The following CCDC178 variants were observed in gnomAD, a reference collection of about 807,000 sequenced individuals.
CCDC178 encodes coiled-coil domain-containing protein 178.
CCDC178 carries 126 observed loss-of-function variants against 117.4 expected under a neutral mutation model. The observed-to-expected ratio is 1.07, with a 90% CI of 0.93 to 1.24. CCDC178 has a LOEUF of 1.24. Ranked by LOEUF, CCDC178 falls within the 50% of genes most tolerant of loss-of-function variation. CCDC178 has a pLI of 0.00. For synonymous variants in CCDC178, 283 were observed against 313.4 expected, an observed-to-expected ratio of 0.90 and a Z score of 1.02; for missense variants, 1,030 against 986.9, an observed-to-expected ratio of 1.04 and a Z score of -0.59.
At chr18:33,306,335 C>A (rs2062247220) in intron 11 of CCDC178, among the ~76,000 whole-genome samples, 1 of 150,338 alleles carries the variant, frequency 6.7e-6, no homozygotes, top group Non-Finnish European at 1.5e-5. Context: ...TAATTTGGAC[C>A]CAGCTATCTT....
At chr18:33,239,943 A>G (rs535306356) in intron 15 of CCDC178, among the ~76,000 whole-genome samples, 8 of 152,140 alleles carry the variant, frequency 5.3e-5, no homozygotes, top group African/African-American at 1.9e-4. Context: ...CATTCTTTTC[A>G]TCAGCACATG....
At chr18:33,322,450 T>C (rs1422445957) in intron 11 of CCDC178, among the ~76,000 whole-genome samples, 1 of 151,762 alleles carries the variant, frequency 6.6e-6, no homozygotes, top group Non-Finnish European at 1.5e-5. Context: ...TATTCTCAAT[T>C]ACACAAGGAG....
At chr18:33,260,565 T>G (rs9951737) in intron 14 of CCDC178, among the ~76,000 whole-genome samples, 10,208 of 151,938 alleles carry the variant, frequency 0.067, 507 homozygotes, top group African/African-American at 0.14. Context: ...TTTATCAGTC[T>G]GTGGTTTACC....
At chr18:33,167,271 T>C (rs271461) in intron 20 of CCDC178, among the ~76,000 whole-genome samples, 1 of 152,080 alleles carries the variant, frequency 6.6e-6, no homozygotes, top group Non-Finnish European at 1.5e-5. Context: ...GGTAGAGTGA[T>C]TTATGTATAC....
At chr18:33,136,137 T>G (rs1177670653) in intron 20 of CCDC178, 1 of 152,238 alleles carries the variant, frequency 6.6e-6, no homozygotes, top group African/African-American at 2.4e-5. Context: ...GAAATGACTG[T>G]GTAGAGCTTA....
intron 6 of CCDC178, among the ~76,000 whole-genome samples, chr18:33,362,512 T>C (rs543439385): frequency 1.3e-5 from 2 of 151,878 alleles, no homozygotes; most frequent in African/African-American, 4.8e-5. Context: ...GTTAATAAAA[T>C]TGTATTATAT....
intron 20 of CCDC178, among the ~76,000 whole-genome samples, chr18:33,155,125 T>G (rs1223545485): frequency 6.6e-6 from 1 of 152,076 alleles, no homozygotes; most frequent in Non-Finnish European, 1.5e-5. Flanking sequence ...TAATATAAGC[T>G]CCAGTAAATT....
intron 20 of CCDC178, among the ~76,000 whole-genome samples, chr18:33,098,175 C>G (rs1354166497): frequency 6.6e-6 from 1 of 151,956 alleles, no homozygotes; most frequent in Non-Finnish European, 1.5e-5. Flanking sequence ...TTCAAACATT[C>G]TAGAAAGGTG....
chr18:32,968,012 A>T (rs1008699042), intron 22 of CCDC178, among the ~76,000 whole-genome samples: 6 of 151,554 alleles, frequency 4.0e-5, no homozygotes, highest in African/African-American at 1.5e-4. Flanking sequence ...AGCACTCAAA[A>T]ACCCCTCTTT....
intron 12 of CCDC178, among the ~76,000 whole-genome samples, chr18:33,286,845 C>T (rs891550196): frequency 4.6e-5 from 7 of 152,038 alleles, no homozygotes; most frequent in Admixed American, 4.6e-4. Context: ...GATATAAATG[C>T]CTTTTTTATA....
intron 15 of CCDC178, among the ~76,000 whole-genome samples, chr18:33,235,463 T>A (rs1355967609): frequency 6.6e-6 from 1 of 152,174 alleles, no homozygotes; most frequent in African/African-American, 2.4e-5. Flanking sequence ...CCAAAATGAA[T>A]GTGTTAATAA....
intron 19 of CCDC178, 103 bp from the exon 20 acceptor site, chr18:33,212,158 A>G (rs1599006609): frequency 1.2e-6 from 1 of 825,252 alleles, no homozygotes; most frequent in East Asian, 3.0e-5. Flanking sequence ...AATCTTGAAG[A>G]CCCTTGAACT....
intron 21 of CCDC178, among the ~76,000 whole-genome samples, chr18:33,084,079 CT>C (rs952005887): frequency 6.6e-5 from 10 of 151,540 alleles, no homozygotes; most frequent in African/African-American, 1.9e-4. Flanking sequence ...CATATTGGGA[CT>C]TTTTTTTTCT....
chr18:33,085,125 A>G (rs901202340), intron 21 of CCDC178, among the ~76,000 whole-genome samples: 2 of 152,220 alleles, frequency 1.3e-5, no homozygotes, highest in Non-Finnish European at 2.9e-5. Context: ...GTAGAGGATC[A>G]TGTTATAATC....
intron 11 of CCDC178, among the ~76,000 whole-genome samples, chr18:33,315,047 G>A (rs751633969): frequency 6.6e-6 from 1 of 152,092 alleles, no homozygotes; most frequent in South Asian, 2.1e-4. Context: ...AGGCAATTAG[G>A]CTTATTCTGG....
intron 21 of CCDC178, among the ~76,000 whole-genome samples, chr18:32,978,006 T>C (rs1568193577): frequency 6.6e-6 from 1 of 152,084 alleles, no homozygotes; most frequent in Non-Finnish European, 1.5e-5. Flanking sequence ...GCAAACTGAA[T>C]AGTAATGTTT....
At chr18:33,137,883 T>G (rs1373526593) in intron 20 of CCDC178, among the ~76,000 whole-genome samples, 1 of 152,208 alleles carries the variant, frequency 6.6e-6, no homozygotes, top group Non-Finnish European at 1.5e-5. Context: ...CCAAGGCTTT[T>G]TTCCTATGTA....
intron 11 of CCDC178, among the ~76,000 whole-genome samples, chr18:33,299,564 G>C (rs528797850): frequency 1.6e-4 from 24 of 150,462 alleles, no homozygotes; most frequent in African/African-American, 5.6e-4. Flanking sequence ...ACATTGTCCT[G>C]GGAAAAGTTT....
At chr18:33,234,402 T>C (rs1410906200) in intron 15 of CCDC178, among the ~76,000 whole-genome samples, 1 of 146,882 alleles carries the variant, frequency 6.8e-6, no homozygotes, top group Non-Finnish European at 1.5e-5. Flanking sequence ...AAAAGAATCT[T>C]AGTAAACGAA....
Sources: allele counts gnomAD v4.1 joint callset (sites outside exome capture counted in the v4.1 genomes callset), GRCh38; gene constraint gnomAD v4.1.1; transcripts MANE v1.5; gene names NCBI Gene and HGNC (gene_info 2026-07-23, HGNC 2026-07-21).